The following PROM1 variants were observed in gnomAD, a reference collection of about 807,000 sequenced individuals.
The protein encoded by PROM1 is prominin-1.
A neutral mutation model predicts 116.9 loss-of-function variants in PROM1; 105 were observed. That is an observed-to-expected ratio of 0.90 (90% CI 0.77 to 1.06). The LOEUF is 1.06. Ranked by LOEUF, PROM1 falls within the 50% of genes least tolerant of loss-of-function variation. The pLI is 0.00. For synonymous variants in PROM1, 393 were observed against 387.0 expected (o/e 1.02, Z -0.18); for missense variants, 1,122 against 1,045.2 (o/e 1.07, Z -1.01).
In PROM1 at chr4:15,979,461, A is replaced by G. The variant is rs758726922; in HGVS notation, c.2516T>C (p.Met839Thr). 6.3e-5 allele frequency: 101 copies of G among 1,609,678 alleles called. No homozygotes were observed. Among genetic ancestry groups the G allele is most frequent in the Non-Finnish European group, 8.3e-5 (98 of 1,177,692 alleles). The stretch of plus-strand genomic sequence containing the variant: ...ATGATAACCATTATTACCATTTTCC[A>G]TACTGTAACAGAAATAAATACACCA... ...DDVETIPMKNMENGNNGYHKD... is the reference protein window; with the variant it reads ...DDVETIPMKNTENGNNGYHKD... The change falls in exon 26 of 28, where the codon ATG becomes ACG. Residue 839 changes from methionine (M) to threonine (T), a missense_variant and splice_region_variant. By Grantham distance (81) the Met-to-Thr change is moderately conservative. Transcript: ENST00000447510.
intron 7 of PROM1, 106 bp from the exon 8 acceptor site, chr4:16,023,521 A>ATGGGT: frequency 1.2e-6 from 1 of 846,108 alleles, no homozygotes; most frequent in Non-Finnish European, 1.9e-6. Flanking sequence ...TGCAAAACCC[A>ATGGGT]TTTGCATCCT....
At chr4:16,039,037 T>A in intron 2 of PROM1, 36 bp from the exon 3 acceptor site, 1 of 1,430,408 alleles carries the variant, frequency 7.0e-7, no homozygotes, top group East Asian at 2.7e-5. Context: ...ATATTATTTT[T>A]TCAGTAAAAT....
intron 2 of PROM1, among the ~76,000 whole-genome samples, chr4:16,061,191 A>G (rs188431330): frequency 1.6e-5 from 2 of 126,012 alleles, no homozygotes; most frequent in Admixed American, 1.6e-4. Flanking sequence ...ATTCTACAGG[A>G]AAAATGGAGC....
At chr4:16,003,416 T>C (rs997577352) in intron 13 of PROM1, 3 of 456,714 alleles carry the variant, frequency 6.6e-6, no homozygotes, top group African/African-American at 2.0e-5. Context: ...CCTTGCTATA[T>C]AGCCTGACAA....
chr4:16,023,260 G>A (rs1730360199), intron 8 of PROM1, 66 bp downstream of exon 8: 1 of 1,364,154 alleles, frequency 7.3e-7, no homozygotes. Flanking sequence ...AAAAGAGTGA[G>A]CAAGCCTGCC....
chr4:16,008,190 C>T (rs1726001786), intron 12 of PROM1, among the ~76,000 whole-genome samples: 1 of 152,162 alleles, frequency 6.6e-6, no homozygotes, highest in South Asian at 2.1e-4. Context: ...TCCCCATGGG[C>T]TTGGGAGATA....
At chr4:16,047,842 G>A (rs1414970795) in intron 2 of PROM1, among the ~76,000 whole-genome samples, 1 of 152,020 alleles carries the variant, frequency 6.6e-6, no homozygotes, top group East Asian at 1.9e-4. Flanking sequence ...CAAGCAAAGG[G>A]CAGCAATCGG....
intron 13 of PROM1, among the ~76,000 whole-genome samples, chr4:16,003,963 T>C (rs1444550531): frequency 6.6e-6 from 1 of 152,210 alleles, no homozygotes; most frequent in Admixed American, 6.5e-5. Flanking sequence ...GTCACCATTT[T>C]TAAAGAGCAG....
At chr4:16,021,338 G>A in intron 8 of PROM1, among the ~76,000 whole-genome samples, 1 of 152,184 alleles carries the variant, frequency 6.6e-6, no homozygotes, top group East Asian at 1.9e-4. Context: ...GTAAAGGTAT[G>A]CATCAACCAC....
chr4:16,074,421 AG>A (rs1743507986), intron 2 of PROM1, among the ~76,000 whole-genome samples: 1 of 152,204 alleles, frequency 6.6e-6, no homozygotes. Flanking sequence ...ACACATATTA[AG>A]TCTCCAAATA....
intron 11 of PROM1, among the ~76,000 whole-genome samples, chr4:16,009,949 A>C (rs991847560): frequency 1.3e-5 from 2 of 151,752 alleles, no homozygotes; most frequent in African/African-American, 4.8e-5. Context: ...AAAAAAAAAA[A>C]AAAAAAAAGT....
intron 2 of PROM1, among the ~76,000 whole-genome samples, chr4:16,050,857 A>G (rs951593824): frequency 2.6e-5 from 4 of 152,256 alleles, no homozygotes; most frequent in Non-Finnish European, 4.4e-5. Flanking sequence ...GTCAGACTAT[A>G]TTCCCAAAAA....
At chr4:16,004,396 G>T (rs1024854610) in intron 13 of PROM1, among the ~76,000 whole-genome samples, 3 of 152,032 alleles carry the variant, frequency 2.0e-5, no homozygotes, top group Non-Finnish European at 2.9e-5. Flanking sequence ...TGATTTCTCT[G>T]TTTTATTTTT....
chr4:15,978,674 G>A (rs774803709), intron 26 of PROM1, among the ~76,000 whole-genome samples: 10 of 152,174 alleles, frequency 6.6e-5, no homozygotes, highest in African/African-American at 1.4e-4. Flanking sequence ...GAGCACTGGC[G>A]GGCCAGCTGT....
intron 22 of PROM1, among the ~76,000 whole-genome samples, chr4:15,985,173 C>G (rs144743893): frequency 6.6e-6 from 1 of 152,162 alleles, no homozygotes; most frequent in African/African-American, 2.4e-5. Context: ...ATAGCATGTA[C>G]ATTGTATTAG....
intron 2 of PROM1, among the ~76,000 whole-genome samples, chr4:16,062,941 TGAGA>T (rs1196022786): frequency 1.3e-5 from 2 of 152,212 alleles, no homozygotes; most frequent in African/African-American, 4.8e-5. Context: ...GCAATATATT[TGAGA>T]GCATGTTTGT....
Position 16,012,131 on chromosome 4 carries a change from G to A in PROM1, c.1141+1144C>T, listed in dbSNP as rs540893161. Among the ~76,000 whole-genome samples, 73 of 152,180 alleles carry A rather than the reference G, an allele frequency of 4.8e-4. 1 individual carries two copies. On this transcript the variant is annotated intron_variant, in intron 11 of 27. Coordinates refer to ENST00000447510, the MANE Select transcript of PROM1 (RefSeq NM_006017.3). ...CCTGCCTCAGCCTCCCGAGTAGCTG[G>A]GGTTACAGGGATGCACAACCATGCC... is the stretch of plus-strand genomic sequence containing the variant.
chr4:16,003,256 T>C, intron 13 of PROM1: 1 of 456,570 alleles, frequency 2.2e-6, no homozygotes, highest in South Asian at 1.5e-5. Flanking sequence ...GCTGGACATG[T>C]AGGCTGTTTC....
chr4:16,003,572 G>A lies in PROM1; in HGVS notation c.1455-2953C>T, dbSNP rs191456450. On this transcript the variant is annotated intron_variant, in intron 13 of 27. Transcript: ENST00000447510. ...CAAATCACGAGATGCTTGTGCCTCTGTTAGATCTCCTTATCTCTGGAGAGG... is the reference window on the plus strand; with the variant it reads ...CAAATCACGAGATGCTTGTGCCTCTATTAGATCTCCTTATCTCTGGAGAGG... Among the ~76,000 whole-genome samples, 14 of 152,280 alleles carry A rather than the reference G, an allele frequency of 9.2e-5. No homozygotes were observed. In the East Asian group the frequency reaches 2.7e-3, roughly 29 times the overall value.
Sources: allele counts gnomAD v4.1 joint callset (sites outside exome capture counted in the v4.1 genomes callset), GRCh38; gene constraint gnomAD v4.1.1; transcripts MANE v1.5; gene names NCBI Gene and HGNC (gene_info 2026-07-23, HGNC 2026-07-21).